Variants in KCND2 observed in about 807,000 individuals in gnomAD.
KCND2 encodes the protein A-type voltage-gated potassium channel KCND2.
In KCND2, 16 loss-of-function variants were observed where a neutral mutation model predicts 54.4. The observed-to-expected ratio is 0.29, with a 90% confidence interval of 0.20 to 0.45. The LOEUF (loss-of-function observed/expected upper bound fraction) is 0.45. KCND2 is among the 20% of genes least tolerant of loss of function. The pLI, the probability that KCND2 is intolerant of heterozygous loss-of-function variation, is 1.00. For synonymous variants in KCND2, 317 were observed against 310.7 expected (o/e 1.02, Z -0.21); for missense variants, 486 against 824.2 (o/e 0.59, Z 5.02).
chr7:120,484,883 A>T (rs1288359669), intron 1 of KCND2, among the ~76,000 whole-genome samples: 1 of 152,062 alleles, frequency 6.6e-6, no homozygotes, highest in Non-Finnish European at 1.5e-5. Context: ...CCTTCATTTA[A>T]TGTAATTTTT....
At chr7:120,366,137 A>G (rs754542721) in intron 1 of KCND2, among the ~76,000 whole-genome samples, 3 of 152,076 alleles carry the variant, frequency 2.0e-5, no homozygotes, top group Middle Eastern at 3.2e-3. Flanking sequence ...TCATTGAGTT[A>G]TGATAACTAA....
chr7:120,731,696 G>GGT lies in KCND2; in HGVS notation c.1116-1206_1116-1205dup, dbSNP rs1792808655. ...GTGCTAAATGTAGAAAGGAGAGTCA[G>GGT]GTAAGAAGCTATATCTATGGCTCTG... is the stretch of plus-strand genomic sequence containing the variant. On this transcript the variant is annotated intron_variant, in intron 1 of 5. Coordinates refer to ENST00000331113, the MANE Select transcript of KCND2 (RefSeq NM_012281.3). Among the ~76,000 whole-genome samples, 3 of 152,178 alleles carry GGT rather than the reference G, an allele frequency of 2.0e-5. No homozygotes were observed. In the South Asian group the frequency reaches 6.2e-4, roughly 31 times the overall value.
Position 120,293,646 on chromosome 7 carries a change from C to T in KCND2, c.1115+17899C>T, listed in dbSNP as rs572721330. 8.6e-5 allele frequency among the ~76,000 whole-genome samples: 13 copies of T among 151,990 alleles called. No individual in the cohort carries two copies. The South Asian group carries it at 1.9e-3, about 22-fold the overall frequency. On this transcript the variant is annotated intron_variant, in intron 1 of 5. Transcript: ENST00000331113. ...GAAATGCAATCATCATTATTATCAT[C>T]GTTATCACAGAAGCTCTCACTTAAT...
intron 1 of KCND2, among the ~76,000 whole-genome samples, chr7:120,577,540 A>AGCG (rs1328413232): frequency 2.7e-5 from 4 of 146,234 alleles, no homozygotes; most frequent in African/African-American, 1.1e-4. Flanking sequence ...CCTGGACTCA[A>AGCG]ACGACAACAA....
chr7:120,530,222 G>T (rs1211325349), intron 1 of KCND2, among the ~76,000 whole-genome samples: 1 of 152,072 alleles, frequency 6.6e-6, no homozygotes, highest in Non-Finnish European at 1.5e-5. Flanking sequence ...ATGCTTGAGG[G>T]GATGGATACC....
chr7:120,312,828 G>A (rs1050188391), intron 1 of KCND2, among the ~76,000 whole-genome samples: 4 of 152,144 alleles, frequency 2.6e-5, no homozygotes, highest in African/African-American at 9.7e-5. Flanking sequence ...GATACAGGTG[G>A]ATTAATGGGT....
chr7:120,334,465 T>C (rs1800116247), intron 1 of KCND2, among the ~76,000 whole-genome samples: 1 of 152,228 alleles, frequency 6.6e-6, no homozygotes, highest in South Asian at 2.1e-4. Context: ...TCTGCAGTAA[T>C]GAATATGTCC....
chr7:120,363,073 G>T (rs1320444823), intron 1 of KCND2, among the ~76,000 whole-genome samples: 1 of 152,030 alleles, frequency 6.6e-6, no homozygotes, highest in African/African-American at 2.4e-5. Flanking sequence ...GGTCGACATG[G>T]GAGGATCACT....
intron 1 of KCND2, among the ~76,000 whole-genome samples, chr7:120,545,851 T>C (rs1479533835): frequency 6.6e-6 from 1 of 151,730 alleles, no homozygotes. Flanking sequence ...TAACTTCTCA[T>C]TCAGTGACTG....
rs572102580 is a variant in KCND2 at position 120,312,434 on chromosome 7, A to G, written c.1115+36687A>G. 6.6e-5 allele frequency among the ~76,000 whole-genome samples: 10 copies of G among 152,234 alleles called. No individual in the cohort carries two copies. The South Asian group carries it at 2.1e-3, about 32-fold the overall frequency. On this transcript the variant is annotated intron_variant, in intron 1 of 5. Coordinates refer to ENST00000331113, the MANE Select transcript of KCND2 (RefSeq NM_012281.3). ...GCGATTGCTGGGTCAAACGATATAC[A>G]ACAGGTAATTTTTAGCCACATTTTA...
At chr7:120,689,056 A>G (rs1792237895) in intron 1 of KCND2, among the ~76,000 whole-genome samples, 1 of 152,140 alleles carries the variant, frequency 6.6e-6, no homozygotes, top group South Asian at 2.1e-4. Flanking sequence ...TCAGTTCTTT[A>G]GAGAGCCTTA....
intron 1 of KCND2, among the ~76,000 whole-genome samples, chr7:120,411,902 T>C (rs1219362178): frequency 2.0e-5 from 3 of 151,940 alleles, no homozygotes; most frequent in African/African-American, 7.2e-5. Context: ...AGATAGGACT[T>C]TTGCAACTCA....
chr7:120,638,706 A>T (rs960665392), intron 1 of KCND2, among the ~76,000 whole-genome samples: 20 of 152,128 alleles, frequency 1.3e-4, no homozygotes, highest in African/African-American at 4.3e-4. Flanking sequence ...GAGTGGGCCT[A>T]CACATCTCCC....
At chr7:120,390,847 T>C (rs567887248) in intron 1 of KCND2, among the ~76,000 whole-genome samples, 11 of 152,160 alleles carry the variant, frequency 7.2e-5, no homozygotes, top group Non-Finnish European at 1.2e-4. Flanking sequence ...TCTGAAGTCA[T>C]ACTTAGTCAA....
intron 1 of KCND2, among the ~76,000 whole-genome samples, chr7:120,606,315 A>T (rs965515277): frequency 3.9e-5 from 6 of 152,190 alleles, no homozygotes; most frequent in African/African-American, 1.4e-4. Flanking sequence ...CAGATATATA[A>T]TTTAAACATT....
At chr7:120,681,146 G>A (rs1434347315) in intron 1 of KCND2, among the ~76,000 whole-genome samples, 1 of 152,036 alleles carries the variant, frequency 6.6e-6, no homozygotes, top group East Asian at 1.9e-4. Context: ...ATTTGGCTGG[G>A]ATGCGTAGTC....
At chr7:120,672,757 C>A (rs1003337061) in intron 1 of KCND2, 1 of 151,994 alleles carries the variant, frequency 6.6e-6, no homozygotes, top group Non-Finnish European at 1.5e-5. Context: ...TAAAATATGA[C>A]TGTATTTGGA....
chr7:120,517,491 G>A (rs1241460247), intron 1 of KCND2, among the ~76,000 whole-genome samples: 4 of 151,986 alleles, frequency 2.6e-5, no homozygotes, highest in Non-Finnish European at 5.9e-5. Flanking sequence ...ACATAATGGT[G>A]AAAAAGTATA....
At chr7:120,355,510 T>G (rs756785945) in intron 1 of KCND2, among the ~76,000 whole-genome samples, 1 of 151,910 alleles carries the variant, frequency 6.6e-6, no homozygotes. Flanking sequence ...ATCATGCCAC[T>G]GCACTTCAGC....
Sources: gnomAD v4.1 joint callset for allele counts (sites outside exome capture counted in the v4.1 genomes callset) on GRCh38, gnomAD v4.1.1 for gene constraint, MANE v1.5 for transcripts, NCBI Gene and HGNC (gene_info 2026-07-23, HGNC 2026-07-21) for gene names.